The following PZP variants were observed in gnomAD, a reference collection of about 807,000 sequenced individuals.
PZP encodes the protein PZP alpha-2-macroglobulin like.
A neutral mutation model predicts 179.8 loss-of-function variants in PZP; 150 were observed. The ratio of observed to expected loss-of-function variants is 0.83; its 90% CI spans 0.73 to 0.96. The LOEUF (loss-of-function observed/expected upper bound fraction) is 0.96. Ranked by LOEUF, PZP falls within the 40% of genes least tolerant of loss-of-function variation. The probability of loss-of-function intolerance (pLI) is 0.00; values close to 1 mark genes in which losing one functional copy is unlikely to be tolerated. For synonymous variants in PZP, 624 were observed against 652.3 expected (o/e 0.96, Z 0.66); for missense variants, 1,689 against 1,764.0 (o/e 0.96, Z 0.76).
At chr12:9,192,439 G>T in intron 12 of PZP, 73 bp downstream of exon 12, 1 of 1,421,594 alleles carries the variant, frequency 7.0e-7, no homozygotes, top group Non-Finnish European at 9.9e-7. Context: ...AGTTTATTTT[G>T]ACATTCCTGA....
intron 10 of PZP, among the ~76,000 whole-genome samples, 167 bp downstream of exon 10, chr12:9,196,161 GTT>G (rs957676909): frequency 2.0e-5 from 3 of 152,118 alleles, no homozygotes; most frequent in African/African-American, 7.2e-5. Context: ...GTATGTGTCT[GTT>G]TGTTTCATCA....
chr12:9,177,112 G>T (rs181073962), intron 15 of PZP, among the ~76,000 whole-genome samples: 1 of 152,314 alleles, frequency 6.6e-6, no homozygotes, highest in Admixed American at 6.5e-5. Flanking sequence ...CCCGAACATT[G>T]TTCGTCGCAC....
chr12:9,181,143 T>C lies in PZP; in HGVS notation c.1690-11A>G. 1.9e-6 allele frequency: 3 copies of C among 1,613,994 alleles called. No homozygotes were observed. The highest frequency in any genetic ancestry group is 2.5e-6 in the Non-Finnish European group (3 of 1,179,940). On this transcript the variant is annotated splice_polypyrimidine_tract_variant and intron_variant, in intron 14 of 35. Coordinates refer to ENST00000261336, the MANE Select transcript of PZP (RefSeq NM_002864.3). ...GAAGCTCAAATCCACCTGTGGGAAA[T>C]GAAGGAAACGTCAACCAGTGTTTTC... is the stretch of plus-strand genomic sequence containing the variant.
intron 2 of PZP, 86 bp downstream of exon 2, chr12:9,203,682 C>T (rs747617298): frequency 4.1e-5 from 61 of 1,473,350 alleles, no homozygotes; most frequent in Non-Finnish European, 4.7e-5. Flanking sequence ...ACCTTGGGAT[C>T]GCACACCAGA....
At chr12:9,206,542 T>C (rs1944448200) in intron 1 of PZP, among the ~76,000 whole-genome samples, 1 of 152,230 alleles carries the variant, frequency 6.6e-6, no homozygotes, top group Admixed American at 6.5e-5. Context: ...GTAGCAAATA[T>C]TAAAGTGATA....
Position 9,154,738 on chromosome 12 carries a change from C to T in PZP, c.3652G>A (p.Val1218Met), listed in dbSNP as rs766309081. ...TGGGCCGTGAGATAAGCGAGGAGCA[C>T]ATAGGATGTCATCTCCACCTCAGCA... ...PSAEVEMTSYVLLAYLTAQPA... is the reference protein window; with the variant it reads ...PSAEVEMTSYMLLAYLTAQPA... The change falls in exon 29 of 36, where the codon GTG (valine) becomes ATG (methionine). Residue 1218 changes from valine (V) to methionine (M), a missense_variant. Physicochemically the swap from Val to Met is conservative, Grantham distance 21. Coordinates refer to ENST00000261336, the MANE Select transcript of PZP (RefSeq NM_002864.3). 4 of 1,614,102 alleles carry T rather than the reference C, an allele frequency of 2.5e-6. No homozygotes were observed. Among genetic ancestry groups the T allele is most frequent in the Non-Finnish European group, 3.4e-6 (4 of 1,180,026 alleles).
At chr12:9,165,492 A>T in intron 18 of PZP, 125 bp from the exon 19 acceptor site, 1 of 1,065,294 alleles carries the variant, frequency 9.4e-7, no homozygotes, top group Non-Finnish European at 1.4e-6. Context: ...GCGAGTGTGC[A>T]TTCGTGTGAA....
chr12:9,152,091 C>A, intron 32 of PZP, 129 bp downstream of exon 32: 1 of 734,572 alleles, frequency 1.4e-6, no homozygotes, highest in Non-Finnish European at 2.4e-6. Flanking sequence ...TCATTTACTT[C>A]CTGGGTTTGG....
chr12:9,170,000 A>T (rs1044043217), intron 15 of PZP: 1 of 153,644 alleles, frequency 6.5e-6, no homozygotes, highest in Non-Finnish European at 1.4e-5. Flanking sequence ...CTCAGACAGA[A>T]AATCGTATAG....
Position 9,166,167 on chromosome 12 carries a change from G to T in PZP, c.2143C>A (p.Gln715Lys). 6.2e-7 allele frequency: 1 copy of T among 1,613,480 alleles called. No individual in the cohort carries two copies. Among genetic ancestry groups the T allele is most frequent in the Non-Finnish European group, 8.5e-7 (1 of 1,179,636 alleles). ...LGVVERPYVP[Q>K]LGTYNVIPLN... ...GGTATCACATTATATGTGCCTAATT[G>T]AGGAACATATGGTCTCTCTACTACT... The change falls in exon 18 of 36, where the codon CAA becomes AAA. Residue 715 changes from glutamine to lysine, a missense_variant. By Grantham distance (53) the Gln-to-Lys change is moderately conservative. Transcript: ENST00000261336.
chr12:9,180,701 A>G (rs970878926), intron 15 of PZP, among the ~76,000 whole-genome samples: 1 of 152,248 alleles, frequency 6.6e-6, no homozygotes, highest in Non-Finnish European at 1.5e-5. Context: ...AAAACCCTAG[A>G]AGAAAACCTA....
At chr12:9,203,435 G>T (rs1213505555) in intron 2 of PZP, among the ~76,000 whole-genome samples, 1 of 148,794 alleles carries the variant, frequency 6.7e-6, no homozygotes, top group Non-Finnish European at 1.5e-5. Context: ...TTCGCCTCCC[G>T]GGTTCACGCC....
In PZP at chr12:9,160,045, AT is replaced by A; in HGVS notation, c.3050-21del. ...GGTAACCTGAAATGGAAGGCTTCAGATTGTTCATGAAGCATTAAAGAAAGGC... is the reference window on the plus strand; with the variant it reads ...GGTAACCTGAAATGGAAGGCTTCAGATGTTCATGAAGCATTAAAGAAAGGC... On this transcript the variant is annotated intron_variant, in intron 24 of 35. Coordinates refer to ENST00000261336, the MANE Select transcript of PZP (RefSeq NM_002864.3). 1 of 1,596,158 alleles carries A rather than the reference AT, an allele frequency of 6.3e-7. No homozygotes were observed. The highest frequency in any genetic ancestry group is 8.6e-7 in the Non-Finnish European group (1 of 1,163,910).
intron 13 of PZP, among the ~76,000 whole-genome samples, chr12:9,190,327 C>T (rs113578094): frequency 1.6e-4 from 24 of 152,260 alleles, no homozygotes; most frequent in African/African-American, 3.9e-4. Flanking sequence ...TAAAAAAGAA[C>T]GCCATCATGT....
At chr12:9,147,503 C>A (rs971901907), downstream of PZP, among the ~76,000 whole-genome samples, 5 of 152,126 alleles carry the variant, frequency 3.3e-5, no homozygotes. Context: ...TTACTGGCTT[C>A]GGTGAGTCTG....
chr12:9,160,681 G>A (rs780896797), intron 23 of PZP, among the ~76,000 whole-genome samples, 191 bp from the exon 24 acceptor site: 1 of 152,130 alleles, frequency 6.6e-6, no homozygotes, highest in Non-Finnish European at 1.5e-5. Flanking sequence ...TTGGGAGGCC[G>A]AGGCGGGCGG....
rs1003116326 is a variant in PZP, at chr12:9,169,680, A to C, written c.1840-89T>G. 1.2e-5 allele frequency: 15 copies of C among 1,273,430 alleles called. No individual in the cohort carries two copies. The African/African-American group carries it at 2.3e-4, about 19-fold the overall frequency. The allele number at this position is 1,273,430 out of a possible 1,614,324, so 78.9% of individuals were successfully genotyped here. A position where few individuals can be genotyped will look rare whatever the true frequency, so the allele number is the denominator to read the frequency against. On this transcript the variant is annotated intron_variant, in intron 15 of 35. Transcript: ENST00000261336. ...TGAGAGAAATAAAATAATTATCACC[A>C]ATCTTTTCTTGAGTACGTTCATGTA...
chr12:9,144,671 T>G (rs1192270708), downstream of PZP, among the ~76,000 whole-genome samples: 2 of 151,972 alleles, frequency 1.3e-5, no homozygotes, highest in East Asian at 3.9e-4. Flanking sequence ...GGTTTTAGGG[T>G]GAGAGAGCTT....
At chr12:9,165,951 A>G in intron 18 of PZP, 101 bp downstream of exon 18, 1 of 1,398,280 alleles carries the variant, frequency 7.2e-7, no homozygotes, top group Non-Finnish European at 9.7e-7. Flanking sequence ...AGGTTAAGAT[A>G]ATTATTCAGA....
Sources: gnomAD v4.1 joint callset for allele counts (sites outside exome capture counted in the v4.1 genomes callset) on GRCh38, gnomAD v4.1.1 for gene constraint, MANE v1.5 for transcripts, NCBI Gene and HGNC (gene_info 2026-07-23, HGNC 2026-07-21) for gene names.